Variants in ARHGAP42 observed in about 807,000 individuals in gnomAD.
ARHGAP42 encodes the protein rho GTPase-activating protein 42.
A neutral mutation model predicts 125.0 loss-of-function variants in ARHGAP42; 63 were observed. The observed-to-expected ratio is 0.50, with a 90% confidence interval of 0.41 to 0.62. The LOEUF (loss-of-function observed/expected upper bound fraction) is 0.62, where lower values mean the gene tolerates loss of function less well. ARHGAP42 is among the 20% of genes least tolerant of loss of function. ARHGAP42 has a pLI of 0.00. For synonymous variants in ARHGAP42, 339 were observed against 351.0 expected (o/e 0.97, Z 0.38); for missense variants, 766 against 1,024.2 (o/e 0.75, Z 3.44).
intron 4 of ARHGAP42, among the ~76,000 whole-genome samples, chr11:100,899,467 G>A (rs1261220824): frequency 6.6e-6 from 1 of 152,158 alleles, no homozygotes; most frequent in Non-Finnish European, 1.5e-5. Context: ...TTATTTTTGT[G>A]TGGGAGTCTA....
intron 4 of ARHGAP42, among the ~76,000 whole-genome samples, chr11:100,893,445 A>T (rs1466252393): frequency 1.3e-5 from 2 of 151,976 alleles, no homozygotes; most frequent in African/African-American, 2.4e-5. Context: ...TTAGGATAAA[A>T]TTTTTCTTTG....
chr11:100,949,265 G>GTTA (rs541492658), intron 11 of ARHGAP42, among the ~76,000 whole-genome samples: 190 of 152,208 alleles, frequency 1.2e-3, no homozygotes, highest in African/African-American at 4.5e-3. Flanking sequence ...CTCAAACTGT[G>GTTA]TTACCAGTCC....
intron 4 of ARHGAP42, among the ~76,000 whole-genome samples, chr11:100,875,073 G>GTCTC (rs143461552): frequency 0.015 from 1,658 of 110,146 alleles, 14 homozygotes; most frequent in Non-Finnish European, 0.022. Flanking sequence ...CTAATCCACT[G>GTCTC]TCTCTCTCTC....
In ARHGAP42 at chr11:100,979,065, C is replaced by A; in HGVS notation, c.2456+16C>A. 1 of 1,551,060 alleles carries A rather than the reference C, an allele frequency of 6.4e-7. No homozygotes were observed. Reference sequence around the variant, plus strand: ...CTTCTGGGCGGTAAGTTCTCCAAACCCTTAAATGCATCTAAAAAAAAGTGG... The same window carrying A: ...CTTCTGGGCGGTAAGTTCTCCAAACACTTAAATGCATCTAAAAAAAAGTGG... On this transcript the variant is annotated intron_variant, in intron 22 of 23. Transcript: ENST00000298815.
intron 1 of ARHGAP42, among the ~76,000 whole-genome samples, chr11:100,740,786 A>G (rs1862167947): frequency 6.6e-6 from 1 of 152,212 alleles, no homozygotes; most frequent in African/African-American, 2.4e-5. Context: ...AACCACTGTT[A>G]AAGTTTGGCA....
chr11:100,901,136 A>G (rs1474938357), intron 4 of ARHGAP42, among the ~76,000 whole-genome samples: 1 of 152,086 alleles, frequency 6.6e-6, no homozygotes, highest in Non-Finnish European at 1.5e-5. Context: ...TTTTCCTTCT[A>G]ACAGTCAAGT....
intron 4 of ARHGAP42, among the ~76,000 whole-genome samples, chr11:100,903,117 G>GCGCACACACACACACACACACACACA (rs373508179): frequency 5.0e-4 from 66 of 132,030 alleles, no homozygotes; most frequent in East Asian, 1.8e-3. Flanking sequence ...TCCAAGATGC[G>GCGCACACACACACACACACACACACA]CACACACACA....
At position 100,949,899 on chromosome 11, in the gene ARHGAP42, A is replaced by G. The variant is rs575676761; in HGVS notation, c.1123-18A>G. The G allele has an allele frequency of 4.7e-5, 68 of 1,444,680 alleles. No individual in the cohort carries two copies. The East Asian group carries it at 1.5e-3, about 31-fold the overall frequency. 89.5% of individuals were successfully genotyped at this position (1,444,680 alleles called of 1,614,324 possible). On this transcript the variant is annotated intron_variant, in intron 11 of 23. Transcript: ENST00000298815. ...GTCATTAACTGGAAGTAACTAATGG[A>G]CATCCTTTGTTTTTTAGATTTATAC... is the stretch of plus-strand genomic sequence containing the variant.
chr11:100,808,043 G>A (rs1263836777), intron 3 of ARHGAP42, among the ~76,000 whole-genome samples: 1 of 139,380 alleles, frequency 7.2e-6, no homozygotes, highest in Non-Finnish European at 1.5e-5. Context: ...TAACATCTGG[G>A]TGAGGCACTC....
At chr11:100,811,033 G>T (rs573464829) in intron 3 of ARHGAP42, among the ~76,000 whole-genome samples, 6 of 151,818 alleles carry the variant, frequency 4.0e-5, no homozygotes, top group Non-Finnish European at 8.8e-5. Context: ...TTGGCTCACC[G>T]CAACTTCCGC....
At chr11:100,760,097 T>A (rs1862667760) in intron 1 of ARHGAP42, among the ~76,000 whole-genome samples, 1 of 152,198 alleles carries the variant, frequency 6.6e-6, no homozygotes, top group Non-Finnish European at 1.5e-5. Flanking sequence ...CAGGAAGCTC[T>A]TGCAGACCAG....
intron 17 of ARHGAP42, among the ~76,000 whole-genome samples, chr11:100,966,898 T>C (rs1261938822): frequency 6.6e-6 from 1 of 152,216 alleles, no homozygotes; most frequent in African/African-American, 2.4e-5. Context: ...TTTCCCATTT[T>C]AATGAGTACC....
At position 100,687,422 on chromosome 11, in the gene ARHGAP42, G is replaced by C. The variant is rs1861100756; in HGVS notation, c.-257G>C. Reference sequence around the variant, plus strand: ...CGCGTTCCGAACGACGATGCGTCCAGATGACAACAACCTGAGGGGACTCGC... The same window carrying C: ...CGCGTTCCGAACGACGATGCGTCCACATGACAACAACCTGAGGGGACTCGC... On this transcript the variant is annotated 5_prime_UTR_variant, in exon 1 of 24. Coordinates refer to ENST00000298815, the MANE Select transcript of ARHGAP42 (RefSeq NM_152432.4). Among the ~76,000 whole-genome samples, 1 of 152,022 alleles carries C rather than the reference G, an allele frequency of 6.6e-6. No homozygotes were observed. Among genetic ancestry groups the C allele is most frequent in the Non-Finnish European group, 1.5e-5 (1 of 67,948 alleles).
At chr11:100,933,121 AT>A in intron 6 of ARHGAP42, 34 bp from the exon 7 acceptor site, 1 of 1,397,514 alleles carries the variant, frequency 7.2e-7, no homozygotes. Context: ...ATTAAAACAC[AT>A]TTTCATGGTT....
intron 4 of ARHGAP42, among the ~76,000 whole-genome samples, chr11:100,883,469 A>T (rs1009376753): frequency 6.6e-6 from 1 of 151,968 alleles, no homozygotes; most frequent in Admixed American, 6.6e-5. Context: ...CAGCCTCCCA[A>T]GTAGCTGGGA....
intron 17 of ARHGAP42, among the ~76,000 whole-genome samples, 165 bp from the exon 18 acceptor site, chr11:100,973,010 C>T (rs1341769635): frequency 6.6e-6 from 1 of 152,060 alleles, no homozygotes; most frequent in African/African-American, 2.4e-5. Context: ...CTGTTTACAT[C>T]TTTTTAGGCC....
intron 1 of ARHGAP42, among the ~76,000 whole-genome samples, chr11:100,760,121 A>C (rs1862668570): frequency 6.6e-6 from 1 of 152,176 alleles, no homozygotes; most frequent in African/African-American, 2.4e-5. Flanking sequence ...TTGGTATCTT[A>C]ATGTTATTGT....
At chr11:100,822,112 G>T (rs769351498) in intron 3 of ARHGAP42, among the ~76,000 whole-genome samples, 7 of 152,010 alleles carry the variant, frequency 4.6e-5, no homozygotes, top group Non-Finnish European at 7.4e-5. Context: ...CTATAGGGTG[G>T]CATTTGACAC....
In ARHGAP42 at chr11:100,957,961, T is replaced by A. The variant is rs1429155829; in HGVS notation, c.1163-1922T>A. On this transcript the variant is annotated intron_variant, in intron 12 of 23. Coordinates refer to ENST00000298815, the MANE Select transcript of ARHGAP42 (RefSeq NM_152432.4). ...TTGTTGAAAGGAAGTTCTATTGAAA[T>A]TTTTTTAAATGGTTGTCTTTTTCTC... Among the ~76,000 whole-genome samples, 3 of 152,076 alleles carry A rather than the reference T, an allele frequency of 2.0e-5. No homozygotes were observed. In the East Asian group the frequency reaches 5.8e-4, roughly 29 times the overall value.
Sources: allele counts gnomAD v4.1 joint callset (sites outside exome capture counted in the v4.1 genomes callset), GRCh38; gene constraint gnomAD v4.1.1; transcripts MANE v1.5; gene names NCBI Gene and HGNC (gene_info 2026-07-23, HGNC 2026-07-21).